The following UTRN variants were observed in gnomAD, a reference collection of about 807,000 sequenced individuals.
The protein encoded by UTRN is dystrophin-related protein 1.
Under a neutral mutation model 463.9 loss-of-function variants are expected in UTRN, and 283 were observed. The observed-to-expected ratio is 0.61, with a 90% CI of 0.55 to 0.67. UTRN has a LOEUF of 0.67. Among genes scored for constraint, UTRN ranks in the 30% least tolerant of loss-of-function variants. The pLI, the probability that UTRN is intolerant of heterozygous loss-of-function variation, is 0.00. For synonymous variants in UTRN, 1,442 were observed against 1,431.5 expected (o/e 1.01, Z -0.17); for missense variants, 3,922 against 4,084.3 (o/e 0.96, Z 1.08).
At chr6:144,725,645 A>AGAC (rs1240540263) in intron 53 of UTRN, among the ~76,000 whole-genome samples, 1 of 152,234 alleles carries the variant, frequency 6.6e-6, no homozygotes, top group Non-Finnish European at 1.5e-5. Context: ...TAATGATCTT[A>AGAC]TCATTAATGT....
At chr6:144,784,157 T>C (rs1252386937) in intron 61 of UTRN, among the ~76,000 whole-genome samples, 1 of 152,196 alleles carries the variant, frequency 6.6e-6, no homozygotes, top group Non-Finnish European at 1.5e-5. Context: ...TAGAATATGG[T>C]AGAGGTATAC....
chr6:144,600,577 G>C (rs1374660373), intron 51 of UTRN, among the ~76,000 whole-genome samples: 1 of 152,228 alleles, frequency 6.6e-6, no homozygotes, highest in Non-Finnish European at 1.5e-5. Flanking sequence ...AGAGAGTTAA[G>C]GAAGCTACAG....
intron 51 of UTRN, among the ~76,000 whole-genome samples, chr6:144,665,390 A>G (rs1780281162): frequency 6.6e-6 from 1 of 152,196 alleles, no homozygotes; most frequent in Non-Finnish European, 1.5e-5. Context: ...TATAATGTAT[A>G]TCACATAATT....
At chr6:144,396,190 C>G (rs1782394239) in intron 2 of UTRN, among the ~76,000 whole-genome samples, 1 of 152,076 alleles carries the variant, frequency 6.6e-6, no homozygotes, top group South Asian at 2.1e-4. Context: ...ATATTTTTTA[C>G]CCTTATAAAA....
At chr6:144,797,272 T>C (rs1348957590) in intron 63 of UTRN, among the ~76,000 whole-genome samples, 1 of 151,584 alleles carries the variant, frequency 6.6e-6, no homozygotes. Context: ...CACTGCAACC[T>C]CCGCCTCCCA....
chr6:144,726,494 G>T (rs1433637874), intron 53 of UTRN, among the ~76,000 whole-genome samples: 4 of 152,140 alleles, frequency 2.6e-5, no homozygotes, highest in Non-Finnish European at 5.9e-5. Context: ...CATTAGTCTG[G>T]GTGCTTTGTT....
chr6:144,524,622 A>G (rs1391362947), intron 41 of UTRN, among the ~76,000 whole-genome samples: 1 of 152,156 alleles, frequency 6.6e-6, no homozygotes, highest in East Asian at 1.9e-4. Context: ...GTATATGATC[A>G]TGTTACCAGC....
At chr6:144,795,840 TAG>T (rs1437053371) in intron 63 of UTRN, among the ~76,000 whole-genome samples, 1 of 152,154 alleles carries the variant, frequency 6.6e-6, no homozygotes, top group Non-Finnish European at 1.5e-5. Flanking sequence ...ACTCTGATGA[TAG>T]GTGTTTTTTG....
intron 73 of UTRN, among the ~76,000 whole-genome samples, chr6:144,841,451 A>C (rs187672925): frequency 2.4e-4 from 37 of 152,330 alleles, no homozygotes; most frequent in African/African-American, 7.7e-4. Context: ...TCCTGGGGAA[A>C]TTATATAATA....
At chr6:144,572,811 G>A (rs1801076716) in intron 50 of UTRN, among the ~76,000 whole-genome samples, 1 of 152,056 alleles carries the variant, frequency 6.6e-6, no homozygotes. Context: ...TGGGCATTTG[G>A]GTTGGTTCCC....
chr6:144,646,510 G>T (rs938268354), intron 51 of UTRN, among the ~76,000 whole-genome samples: 3 of 152,090 alleles, frequency 2.0e-5, no homozygotes, highest in African/African-American at 4.8e-5. Flanking sequence ...TTTAAAAAGA[G>T]ATTTTGTTTA....
intron 51 of UTRN, among the ~76,000 whole-genome samples, chr6:144,604,875 G>A (rs998293479): frequency 2.6e-5 from 4 of 151,824 alleles, no homozygotes; most frequent in Non-Finnish European, 5.9e-5. Context: ...AGATTGCACC[G>A]TTGCACTCCA....
In UTRN at chr6:144,748,486, C is replaced by T. The variant is rs776708986; in HGVS notation, c.8180C>T (p.Ser2727Leu). The T allele has an allele frequency of 3.7e-6, 6 of 1,613,680 alleles. No individual in the cohort carries two copies. In the African/African-American group the frequency reaches 4.0e-5, roughly 11 times the overall value. The change falls in exon 55 of 75, where the codon TCG becomes TTG. Residue 2727 changes from serine to leucine, a missense_variant. This residue lies in a region of UTRN where 1,309 missense variants were observed against 1,452.6 expected (regional missense o/e 0.90). Coordinates refer to ENST00000367545, the MANE Select transcript of UTRN (RefSeq NM_007124.3). Reference protein sequence around the residue: ...WKPVGDLLIDSLQDHIEKIMA... With the variant: ...WKPVGDLLIDLLQDHIEKIMA... ...CCCGTGGGAGACTTACTCATTGACT[C>T]GCTGCAGGATCACATTGAAAAAATC...
At chr6:144,435,544 A>G (rs2114886669) in intron 9 of UTRN, among the ~76,000 whole-genome samples, 1 of 152,320 alleles carries the variant, frequency 6.6e-6, no homozygotes, top group East Asian at 1.9e-4. Context: ...AAGGCCTAAC[A>G]CGTTCCAGCT....
Position 144,631,962 on chromosome 6 carries a change from A to T in UTRN, c.7480-46444A>T, listed in dbSNP as rs1293607005. On this transcript the variant is annotated intron_variant, in intron 51 of 74. Coordinates refer to ENST00000367545, the MANE Select transcript of UTRN (RefSeq NM_007124.3). ...AAAGACTGACATTGCTACCCTTTGGATGTTAAGAAAAAGTCTTTCAGATAC... is the reference window on the plus strand; with the variant it reads ...AAAGACTGACATTGCTACCCTTTGGTTGTTAAGAAAAAGTCTTTCAGATAC... Among the ~76,000 whole-genome samples the T allele has an allele frequency of 2.0e-5, 3 of 152,280 alleles. No individual in the cohort carries two copies. The East Asian group carries it at 5.8e-4, about 29-fold the overall frequency.
intron 2 of UTRN, among the ~76,000 whole-genome samples, chr6:144,334,329 G>T (rs1048598646): frequency 6.7e-6 from 1 of 148,414 alleles, no homozygotes; most frequent in Non-Finnish European, 1.5e-5. Flanking sequence ...GGGGGTGGGG[G>T]TGGTGAGGCA....
chr6:144,750,859 G>A lies in UTRN; in HGVS notation c.8209-947G>A, dbSNP rs143322952. Among the ~76,000 whole-genome samples the A allele has an allele frequency of 2.2e-3, 334 of 152,244 alleles. 2 individuals carry two copies. Among genetic ancestry groups the A allele is most frequent in the African/African-American group, 7.7e-3 (318 of 41,550 alleles). ...ATTCTTTACTGGGAACGTCAAGAAT[G>A]TGGATGCTCATAATTACAATTTCTA... On this transcript the variant is annotated intron_variant, in intron 55 of 74. Transcript: ENST00000367545.
chr6:144,813,121 G>A (rs1778766491), intron 65 of UTRN, among the ~76,000 whole-genome samples: 1 of 152,000 alleles, frequency 6.6e-6, no homozygotes, highest in Non-Finnish European at 1.5e-5. Context: ...TGGGGAAGAT[G>A]GTGGTAGCAT....
At chr6:144,428,971 T>A in intron 8 of UTRN, 78 bp downstream of exon 8, 1 of 952,816 alleles carries the variant, frequency 1.0e-6, no homozygotes, top group Middle Eastern at 2.3e-4. Context: ...TTCTTTGTCC[T>A]TTTAAAAATG....
Sources: allele counts gnomAD v4.1 joint callset (sites outside exome capture counted in the v4.1 genomes callset), GRCh38; gene constraint gnomAD v4.1.1; regional missense constraint gnomAD v4.1.1; transcripts MANE v1.5; gene names NCBI Gene and HGNC (gene_info 2026-07-23, HGNC 2026-07-21).